Variants in OR51B5 observed in about 807,000 individuals in gnomAD.
OR51B5 encodes olfactory receptor family 51 subfamily B member 5.
For missense variants in OR51B5, 456 were observed against 374.6 expected, an observed-to-expected ratio of 1.22 and a Z score of -1.79; for synonymous variants, 186 against 144.8, an observed-to-expected ratio of 1.28 and a Z score of -2.04.
intron 1 of OR51B5, among the ~76,000 whole-genome samples, chr11:5,396,068 G>A (rs553762413): frequency 3.9e-5 from 6 of 152,318 alleles, no homozygotes; most frequent in African/African-American, 9.6e-5. Flanking sequence ...AGAGTGAAGA[G>A]CTATTGAAGT....
At chr11:5,438,259 G>A (rs1184773225) in intron 1 of OR51B5, among the ~76,000 whole-genome samples, 1 of 146,648 alleles carries the variant, frequency 6.8e-6, no homozygotes, top group Non-Finnish European at 1.5e-5. Context: ...AACAAACCTG[G>A]AGATACTGCC....
intron 1 of OR51B5, among the ~76,000 whole-genome samples, chr11:5,499,722 G>A (rs1223272761): frequency 6.6e-6 from 1 of 152,100 alleles, no homozygotes. Context: ...AATATGTCCT[G>A]AATCTATCAC....
chr11:5,353,208 GTATCTC>G (rs756840105), intron 1 of OR51B5, among the ~76,000 whole-genome samples: 27 of 152,104 alleles, frequency 1.8e-4, no homozygotes, highest in Non-Finnish European at 3.2e-4. Context: ...TCTAGGGAAA[GTATCTC>G]TATGAGAAAT....
At chr11:5,377,405 C>T (rs968139756) in intron 1 of OR51B5, among the ~76,000 whole-genome samples, 6 of 152,192 alleles carry the variant, frequency 3.9e-5, no homozygotes, top group Non-Finnish European at 8.8e-5. Flanking sequence ...TGGCACAAGA[C>T]AGGGATGCCC....
chr11:5,454,647 T>C (rs1850924818), intron 1 of OR51B5: 2 of 397,264 alleles, frequency 5.0e-6, no homozygotes, highest in South Asian at 6.9e-5. Flanking sequence ...TTGGGGGCAA[T>C]TGAGTAATTA....
intron 1 of OR51B5, among the ~76,000 whole-genome samples, chr11:5,413,010 A>ACCCCC: frequency 1.4e-5 from 2 of 146,228 alleles, no homozygotes; most frequent in Non-Finnish European, 3.0e-5. Flanking sequence ...CCCTGACCCC[A>ACCCCC]GAGCAGCCTT....
At chr11:5,354,466 C>T (rs1849155404) in intron 1 of OR51B5, among the ~76,000 whole-genome samples, 1 of 149,594 alleles carries the variant, frequency 6.7e-6, no homozygotes, top group Non-Finnish European at 1.5e-5. Context: ...GATGAAGAGA[C>T]AAGATAAAAA....
Position 5,490,517 on chromosome 11 carries a change from G to A in OR51B5, n.84+15052C>T, listed in dbSNP as rs750633406. ...AGGTTATCCCTTATTAAGAATTCAG[G>A]GGAGCCAGCCCCAAATCCAAGTTCC... On this transcript the variant is annotated intron_variant and non_coding_transcript_variant, in intron 1 of 4. Coordinates refer to the OR51B5 transcript ENST00000415970. Among the ~76,000 whole-genome samples the A allele has an allele frequency of 4.0e-4, 61 of 152,002 alleles. 1 individual carries two copies. The highest frequency in any genetic ancestry group is 3.0e-3 in the Admixed American group (45 of 15,252).
At chr11:5,497,460 G>A (rs1285991391) in intron 1 of OR51B5, among the ~76,000 whole-genome samples, 1 of 152,112 alleles carries the variant, frequency 6.6e-6, no homozygotes, top group Admixed American at 6.5e-5. Context: ...ACAAAATTGA[G>A]TCCACTATTG....
intron 1 of OR51B5, among the ~76,000 whole-genome samples, chr11:5,457,980 T>C (rs938767862): frequency 2.0e-5 from 3 of 152,174 alleles, no homozygotes; most frequent in Non-Finnish European, 4.4e-5. Flanking sequence ...AGTTCCTACT[T>C]GTATATTTTT....
chr11:5,343,191 T>C lies in OR51B5; in HGVS notation c.334A>G (p.Ile112Val), dbSNP rs375765354. 9 of 1,613,686 alleles carry C rather than the reference T, an allele frequency of 5.6e-6. No homozygotes were observed. The African/African-American group carries it at 1.2e-4, about 22-fold the overall frequency. The stretch of plus-strand genomic sequence containing the variant: ...CGGTCATAGGCCATGGCAAGCAGAA[T>C]GCCAGACTCGAGAAAGGAAAGTGAG... Residue 112 changes from isoleucine (I) to valine (V), a missense_variant, in exon 1 of 1, where the codon ATT becomes GTT. Physicochemically the swap from Ile to Val is conservative, Grantham distance 29 (BLOSUM62 3). Coordinates refer to ENST00000300773, the Ensembl canonical transcript of OR51B5.
At chr11:5,441,047 G>C (rs1291744489) in intron 1 of OR51B5, 3 of 1,613,852 alleles carry the variant, frequency 1.9e-6, no homozygotes, top group Non-Finnish European at 2.5e-6. Flanking sequence ...GGAAGAGAGT[G>C]GTGAAACTCT....
chr11:5,357,461 C>T (rs1252557234), intron 1 of OR51B5, among the ~76,000 whole-genome samples: 1 of 152,000 alleles, frequency 6.6e-6, no homozygotes. Context: ...TACAGGAACA[C>T]CCAGGTTCAT....
At chr11:5,422,644 A>C (rs1229720697) in intron 1 of OR51B5, 1 of 1,614,084 alleles carries the variant, frequency 6.2e-7, no homozygotes. Context: ...GAACTGGGTT[A>C]GCCATCATTT....
chr11:5,447,112 C>T (rs1275902209), intron 1 of OR51B5, among the ~76,000 whole-genome samples: 1 of 152,174 alleles, frequency 6.6e-6, no homozygotes, highest in Non-Finnish European at 1.5e-5. Flanking sequence ...GATCATGTAT[C>T]TCACAATGAT....
At chr11:5,400,423 C>G (rs1429248949) in intron 1 of OR51B5, among the ~76,000 whole-genome samples, 1 of 151,900 alleles carries the variant, frequency 6.6e-6, no homozygotes, top group Non-Finnish European at 1.5e-5. Context: ...TATTATATGC[C>G]CACTGCCACT....
At chr11:5,361,597 C>G (rs1048056942) in intron 1 of OR51B5, among the ~76,000 whole-genome samples, 3 of 152,130 alleles carry the variant, frequency 2.0e-5, no homozygotes, top group African/African-American at 7.2e-5. Context: ...GAGGGAAATG[C>G]AGTAATGTAT....
At chr11:5,442,333 C>A (rs1253756874) in intron 1 of OR51B5, among the ~76,000 whole-genome samples, 2 of 152,212 alleles carry the variant, frequency 1.3e-5, no homozygotes, top group East Asian at 3.9e-4. Context: ...TAAACTTATA[C>A]ACACCTTTAT....
At chr11:5,369,654 G>A (rs940356886) in intron 1 of OR51B5, among the ~76,000 whole-genome samples, 2 of 152,090 alleles carry the variant, frequency 1.3e-5, no homozygotes, top group Non-Finnish European at 2.9e-5. Context: ...CCTCCCTGGA[G>A]ATAATTTCCC....
Sources: allele counts gnomAD v4.1 joint callset (sites outside exome capture counted in the v4.1 genomes callset), GRCh38; gene constraint gnomAD v4.1.1; transcripts MANE v1.5; gene names NCBI Gene and HGNC (gene_info 2026-07-23, HGNC 2026-07-21).